Variants in ANKRD44 observed in about 807,000 individuals in gnomAD.
ANKRD44 encodes the protein serine/threonine-protein phosphatase 6 regulatory ankyrin repeat subunit B.
In ANKRD44, 35 loss-of-function variants were observed where a neutral mutation model predicts 116.0. The observed-to-expected ratio is 0.30, with a 90% CI of 0.23 to 0.40. The LOEUF (loss-of-function observed/expected upper bound fraction) is 0.40. Ranked by LOEUF, ANKRD44 falls within the 10% of genes least tolerant of loss-of-function variation. The pLI is 1.00. For missense variants in ANKRD44, 1,014 were observed against 1,242.6 expected (o/e 0.82, Z 2.77); for synonymous variants, 435 against 461.8 (o/e 0.94, Z 0.74).
At chr2:197,078,591 C>A in intron 16 of ANKRD44, 112 bp downstream of exon 16, 1 of 1,533,186 alleles carries the variant, frequency 6.5e-7, no homozygotes, top group Non-Finnish European at 8.8e-7. Flanking sequence ...ATTCATGGAC[C>A]CACTTTTTAC....
At chr2:197,145,357 G>C (rs2079472983) in intron 3 of ANKRD44, among the ~76,000 whole-genome samples, 1 of 151,938 alleles carries the variant, frequency 6.6e-6, no homozygotes, top group Admixed American at 6.5e-5. Context: ...AGCTGATGGG[G>C]ACCAATAGAT....
At chr2:197,271,695 T>A (rs915900174) in intron 1 of ANKRD44, among the ~76,000 whole-genome samples, 15 of 151,998 alleles carry the variant, frequency 9.9e-5, no homozygotes, top group African/African-American at 3.6e-4. Context: ...GAGTGCAGCC[T>A]CAACCTCCTG....
intron 21 of ANKRD44, among the ~76,000 whole-genome samples, chr2:196,979,382 C>CAAAAAAAAAAAA (rs778459937): frequency 2.5e-5 from 1 of 40,572 alleles, no homozygotes; most frequent in South Asian, 1.1e-3. Flanking sequence ...GACTCCGTCT[C>CAAAAAAAAAAAA]AAAAAAAAAA....
chr2:197,260,130 A>T lies in ANKRD44; in HGVS notation c.27+50448T>A, dbSNP rs535519984. 4.9e-3 allele frequency among the ~76,000 whole-genome samples: 749 copies of T among 152,328 alleles called. 10 individuals carry two copies. Among genetic ancestry groups the T allele is most frequent in the African/African-American group, 0.017 (725 of 41,562 alleles). ...TTAAGTTTTAGGGTACATGTGCACA[A>T]CGTGCAGGTTTGTTACATATGTATA... On this transcript the variant is annotated intron_variant, in intron 1 of 27. Coordinates refer to ENST00000282272, the MANE Select transcript of ANKRD44 (RefSeq NM_001195144.2).
Position 196,989,071 on chromosome 2 carries a change from C to T in ANKRD44, c.*520G>A. 4 of 985,174 alleles carry T rather than the reference C, an allele frequency of 4.1e-6. No individual in the cohort carries two copies. Among genetic ancestry groups the T allele is most frequent in the Non-Finnish European group, 4.8e-6 (4 of 829,950 alleles). The allele number at this position is 985,174 out of a possible 1,614,324, so 61.0% of individuals were successfully genotyped here. A position where few individuals can be genotyped will look rare whatever the true frequency, so the allele number is the denominator to read the frequency against. Reference sequence around the variant, plus strand: ...CCTGAGGGTCATCTGGAAACCTTAGCAGTGGAAATGCTAGGTTTGGCCCTT... The same window carrying T: ...CCTGAGGGTCATCTGGAAACCTTAGTAGTGGAAATGCTAGGTTTGGCCCTT... On this transcript the variant is annotated 3_prime_UTR_variant, in exon 28 of 28. Coordinates refer to ENST00000282272, the MANE Select transcript of ANKRD44 (RefSeq NM_001195144.2).
chr2:197,016,299 ATCTTTT>A (rs905217197), intron 17 of ANKRD44, among the ~76,000 whole-genome samples: 5 of 152,172 alleles, frequency 3.3e-5, no homozygotes, highest in African/African-American at 7.2e-5. Flanking sequence ...TCGTAGCTTT[ATCTTTT>A]TCTTTTTCTT....
chr2:197,102,719 A>G (rs766106076), intron 9 of ANKRD44, among the ~76,000 whole-genome samples: 2 of 152,216 alleles, frequency 1.3e-5, no homozygotes, highest in Non-Finnish European at 2.9e-5. Context: ...TGCTAGTATA[A>G]GTAATATAAA....
chr2:197,015,915 C>A, intron 17 of ANKRD44: 1 of 526,314 alleles, frequency 1.9e-6, no homozygotes. Flanking sequence ...ATTTTGGATC[C>A]ATGAAAGGGG....
intron 27 of ANKRD44, chr2:196,991,034 G>A (rs1164870390): frequency 1.5e-5 from 15 of 1,027,864 alleles, no homozygotes; most frequent in Non-Finnish European, 1.7e-5. Flanking sequence ...GATGTATGTT[G>A]AGTTAGAAAT....
intron 8 of ANKRD44, among the ~76,000 whole-genome samples, chr2:197,115,277 T>C (rs1410900402): frequency 6.6e-6 from 1 of 152,222 alleles, no homozygotes; most frequent in Non-Finnish European, 1.5e-5. Flanking sequence ...TCTTTAACGC[T>C]TACTTTGAAT....
At chr2:197,102,030 T>C (rs1035740958) in intron 9 of ANKRD44, among the ~76,000 whole-genome samples, 4 of 152,064 alleles carry the variant, frequency 2.6e-5, no homozygotes, top group Admixed American at 2.6e-4. Flanking sequence ...TTTTAGTTTA[T>C]GCTTCTGTGT....
At chr2:197,267,389 T>C (rs141787178) in intron 1 of ANKRD44, among the ~76,000 whole-genome samples, 2 of 152,356 alleles carry the variant, frequency 1.3e-5, no homozygotes, top group African/African-American at 4.8e-5. Flanking sequence ...AACAATTGGC[T>C]GTTGCTAATT....
At chr2:197,165,015 G>C (rs2080072019) in intron 2 of ANKRD44, among the ~76,000 whole-genome samples, 1 of 152,122 alleles carries the variant, frequency 6.6e-6, no homozygotes, top group African/African-American at 2.4e-5. Flanking sequence ...GGGGCTAATA[G>C]AATCATTCTC....
intron 21 of ANKRD44, 69 bp from the exon 22 acceptor site, chr2:197,001,909 C>A: frequency 8.6e-7 from 1 of 1,157,810 alleles, no homozygotes; most frequent in Non-Finnish European, 1.3e-6. Context: ...TCTGCTTTTT[C>A]ATTAAGTATT....
intron 8 of ANKRD44, among the ~76,000 whole-genome samples, chr2:197,119,213 T>C (rs1363837026): frequency 6.6e-6 from 1 of 152,152 alleles, no homozygotes; most frequent in Non-Finnish European, 1.5e-5. Flanking sequence ...TTTCCTTTTT[T>C]TTTCCTGCCT....
chr2:197,121,589 G>A (rs751608117), intron 7 of ANKRD44, 45 bp from the exon 8 acceptor site: 1 of 1,521,196 alleles, frequency 6.6e-7, no homozygotes, highest in Non-Finnish European at 9.1e-7. Flanking sequence ...ATTAGAGCCA[G>A]TTTACTCCAT....
chr2:197,248,499 A>C (rs984712310), intron 1 of ANKRD44, among the ~76,000 whole-genome samples: 1 of 151,190 alleles, frequency 6.6e-6, no homozygotes, highest in African/African-American at 2.4e-5. Flanking sequence ...GTGATCATGT[A>C]AGTTGATTCC....
At chr2:197,252,639 C>T (rs1309768000) in intron 1 of ANKRD44, among the ~76,000 whole-genome samples, 1 of 152,142 alleles carries the variant, frequency 6.6e-6, no homozygotes, top group Non-Finnish European at 1.5e-5. Flanking sequence ...GATCTCCTGA[C>T]CTCATGATCC....
At chr2:197,170,208 A>T (rs951689860) in intron 2 of ANKRD44, among the ~76,000 whole-genome samples, 1 of 146,446 alleles carries the variant, frequency 6.8e-6, no homozygotes, top group Admixed American at 6.7e-5. Flanking sequence ...AAAAAAAAAA[A>T]AAAAAACTGG....
Sources: gnomAD v4.1 joint callset for allele counts (sites outside exome capture counted in the v4.1 genomes callset) on GRCh38, gnomAD v4.1.1 for gene constraint, MANE v1.5 for transcripts, NCBI Gene and HGNC (gene_info 2026-07-23, HGNC 2026-07-21) for gene names.